Variants in GADL1 observed in about 807,000 individuals in gnomAD.
The protein encoded by GADL1 is acidic amino acid decarboxylase GADL1.
A neutral mutation model predicts 69.5 loss-of-function variants in GADL1; 71 were observed. That is an observed-to-expected ratio of 1.02 (90% CI 0.84 to 1.25). GADL1 has a LOEUF of 1.25. Ranked by LOEUF, GADL1 falls within the 50% of genes most tolerant of loss-of-function variation. The probability of loss-of-function intolerance (pLI) is 0.00; values close to 1 mark genes in which losing one functional copy is unlikely to be tolerated. For synonymous variants in GADL1, 254 were observed against 214.4 expected, an observed-to-expected ratio of 1.18 and a Z score of -1.62; for missense variants, 737 against 631.8, an observed-to-expected ratio of 1.17 and a Z score of -1.79.
At chr3:30,824,024 C>T (rs145663623) in intron 11 of GADL1, among the ~76,000 whole-genome samples, 3 of 151,430 alleles carry the variant, frequency 2.0e-5, no homozygotes, top group East Asian at 1.9e-4. Context: ...AATTGACATG[C>T]CAGAAAAGGA....
Position 30,891,032 on chromosome 3 carries a change from T to TCTTCCTTCCTTCCTTCCTTCCTTC in GADL1, c.37+3522_37+3545dup, listed in dbSNP as rs59987855. 7.3e-4 allele frequency among the ~76,000 whole-genome samples: 109 copies of TCTTCCTTCCTTCCTTCCTTCCTTC among 150,320 alleles called. 2 individuals are homozygous for TCTTCCTTCCTTCCTTCCTTCCTTC. Among genetic ancestry groups the TCTTCCTTCCTTCCTTCCTTCCTTC allele is most frequent in the South Asian group, 2.6e-3 (12 of 4,682 alleles). On this transcript the variant is annotated intron_variant, in intron 1 of 14. Coordinates refer to ENST00000282538, the MANE Select transcript of GADL1 (RefSeq NM_207359.3). Reference sequence around the variant, plus strand: ...GTCGGCTAGAGTATTTACTTTGCATTCTTCCTTCCTTCCTTCCTTCCTTCC... The same window carrying TCTTCCTTCCTTCCTTCCTTCCTTC: ...GTCGGCTAGAGTATTTACTTTGCATTCTTCCTTCCTTCCTTCCTTCCTTCCTTCCTTCCTTCCTTCCTTCCTTCC...
chr3:30,772,139 G>A (rs1048200464), intron 14 of GADL1, among the ~76,000 whole-genome samples: 10 of 146,494 alleles, frequency 6.8e-5, no homozygotes, highest in African/African-American at 2.4e-4. Context: ...ATATCATCAA[G>A]TTTTATCACC....
intron 14 of GADL1, among the ~76,000 whole-genome samples, chr3:30,734,077 T>C (rs1483236907): frequency 6.6e-6 from 1 of 152,162 alleles, no homozygotes; most frequent in Non-Finnish European, 1.5e-5. Context: ...GTTAGACATG[T>C]GAGAAAGCAT....
chr3:30,875,457 T>TGTCTGCCTATAGACAA (rs1351311192), intron 1 of GADL1, among the ~76,000 whole-genome samples: 1 of 151,884 alleles, frequency 6.6e-6, no homozygotes, highest in African/African-American at 2.4e-5. Context: ...GTCTGTGTCT[T>TGTCTGCCTATAGACAA]GTCTATAGGC....
chr3:30,752,451 T>G (rs1299414312), intron 14 of GADL1, among the ~76,000 whole-genome samples: 1 of 151,406 alleles, frequency 6.6e-6, no homozygotes, highest in Non-Finnish European at 1.5e-5. Flanking sequence ...AGCCAGTCTC[T>G]GCTTTTAGAT....
At chr3:30,845,926 A>C (rs1441927747) in intron 6 of GADL1, among the ~76,000 whole-genome samples, 1 of 152,184 alleles carries the variant, frequency 6.6e-6, no homozygotes, top group Non-Finnish European at 1.5e-5. Flanking sequence ...CCCCCTGAGA[A>C]ATAGCAAAAT....
chr3:30,832,324 C>T (rs1255182501), intron 11 of GADL1, among the ~76,000 whole-genome samples: 1 of 147,980 alleles, frequency 6.8e-6, no homozygotes. Flanking sequence ...CACTAAGATT[C>T]AGGAATGAAT....
In GADL1 at chr3:30,727,346, C is replaced by A. The variant is rs1318902226; in HGVS notation, c.*896G>T. 4.0e-5 allele frequency: 6 copies of A among 148,456 alleles called. No individual in the cohort carries two copies. Among genetic ancestry groups the A allele is most frequent in the Non-Finnish European group, 5.9e-5 (4 of 67,252 alleles). The allele number at this position is 148,456 out of a possible 1,614,324, so 9.2% of individuals were successfully genotyped here. A position where few individuals can be genotyped will look rare whatever the true frequency, so the allele number is the denominator to read the frequency against. On this transcript the variant is annotated 3_prime_UTR_variant, in exon 15 of 15. Transcript: ENST00000282538. ...ACAGTTTATTAATTTATTAATAGAA[C>A]CTGTATTTTTCTGTCAATTATTGTG...
intron 1 of GADL1, among the ~76,000 whole-genome samples, chr3:30,889,093 A>T (rs1464780286): frequency 2.1e-5 from 3 of 146,312 alleles, no homozygotes; most frequent in African/African-American, 5.0e-5. Flanking sequence ...ATAAAAAAAA[A>T]AAAAAAAAAA....
intron 3 of GADL1, among the ~76,000 whole-genome samples, chr3:30,855,524 TGCGG>T (rs1698215681): frequency 6.6e-6 from 1 of 152,078 alleles, no homozygotes; most frequent in Non-Finnish European, 1.5e-5. Context: ...TGACTCACTA[TGCGG>T]CTTACATACA....
rs933977283 is a variant in GADL1, at chr3:30,874,087, C to T, written c.38-12322G>A. On this transcript the variant is annotated intron_variant, in intron 1 of 14. Transcript: ENST00000282538. ...TGTTACCTGCAAGAAAAATGCATTG[C>T]TGAGTAGGGTTTGCAAATCTGGGGC... 4.6e-5 allele frequency among the ~76,000 whole-genome samples: 7 copies of T among 151,922 alleles called. 1 individual carries two copies. Among genetic ancestry groups the T allele is most frequent in the Admixed American group, 3.9e-4 (6 of 15,226 alleles).
At chr3:30,750,835 A>AT (rs57310733) in intron 14 of GADL1, among the ~76,000 whole-genome samples, 33,873 of 152,004 alleles carry the variant, frequency 0.22, 5,907 homozygotes, top group African/African-American at 0.48. Flanking sequence ...GCCTTAGCTC[A>AT]TTTTTTTATT....
chr3:30,766,485 G>A (rs1032241499), intron 14 of GADL1, among the ~76,000 whole-genome samples: 1 of 152,166 alleles, frequency 6.6e-6, no homozygotes, highest in Non-Finnish European at 1.5e-5. Context: ...GTCCCACTTA[G>A]CACTATGTGA....
intron 14 of GADL1, among the ~76,000 whole-genome samples, chr3:30,776,288 C>G (rs754952080): frequency 6.6e-6 from 1 of 152,170 alleles, no homozygotes; most frequent in Non-Finnish European, 1.5e-5. Flanking sequence ...GTGACCCTAT[C>G]TTTCTCAACT....
At chr3:30,838,351 A>C (rs1198753684) in intron 9 of GADL1, among the ~76,000 whole-genome samples, 1 of 152,142 alleles carries the variant, frequency 6.6e-6, no homozygotes, top group African/African-American at 2.4e-5. Flanking sequence ...GTTACCTTCG[A>C]TTTAAGGAAA....
At chr3:30,830,777 C>G (rs1367858082) in intron 11 of GADL1, among the ~76,000 whole-genome samples, 1 of 151,918 alleles carries the variant, frequency 6.6e-6, no homozygotes, top group African/African-American at 2.4e-5. Flanking sequence ...TATGTGACTT[C>G]CTCACTTGAA....
At chr3:30,850,807 G>T in intron 5 of GADL1, 28 bp downstream of exon 5, 1 of 1,302,492 alleles carries the variant, frequency 7.7e-7, no homozygotes, top group Non-Finnish European at 1.1e-6. Flanking sequence ...GTATTGGAAG[G>T]TTGATATCAA....
At chr3:30,775,658 C>T (rs1433886965) in intron 14 of GADL1, among the ~76,000 whole-genome samples, 1 of 151,808 alleles carries the variant, frequency 6.6e-6, no homozygotes, top group Admixed American at 6.6e-5. Context: ...GGCAGAAAAG[C>T]ATTTCCAAAA....
chr3:30,838,486 T>A (rs1048020421), intron 9 of GADL1, among the ~76,000 whole-genome samples: 1 of 152,180 alleles, frequency 6.6e-6, no homozygotes, highest in Admixed American at 6.5e-5. Context: ...CCAGAGAAAA[T>A]TTGCTTTAGT....
Sources: gnomAD v4.1 joint callset for allele counts (sites outside exome capture counted in the v4.1 genomes callset) on GRCh38, gnomAD v4.1.1 for gene constraint, MANE v1.5 for transcripts, NCBI Gene and HGNC (gene_info 2026-07-23, HGNC 2026-07-21) for gene names.